The following DNMBP variants were observed in gnomAD, a reference collection of about 807,000 sequenced individuals.
The protein encoded by DNMBP is dynamin binding protein.
In DNMBP, 87 loss-of-function variants were observed where a neutral mutation model predicts 150.0. The ratio of observed to expected loss-of-function variants is 0.58; its 90% CI spans 0.49 to 0.69. The LOEUF is 0.69. Among genes scored for constraint, DNMBP ranks in the 30% least tolerant of loss-of-function variants. DNMBP has a pLI of 0.00. For synonymous variants in DNMBP, 711 were observed against 750.4 expected (o/e 0.95, Z 0.86); for missense variants, 1,774 against 1,949.0 (o/e 0.91, Z 1.69).
At position 99,877,091 on chromosome 10, in the gene DNMBP, C is replaced by CATTAAAA; in HGVS notation, c.*59_*60insTTTTAAT. ...GAGCAGGCGCCCTCTCGGTGGGCCG[C>CATTAAAA]CAGAACCCTCGGCGGACTGAAAGCA... On this transcript the variant is annotated 3_prime_UTR_variant, in exon 17 of 17. Coordinates refer to ENST00000324109, the MANE Select transcript of DNMBP (RefSeq NM_015221.4). The CATTAAAA allele has an allele frequency of 6.7e-7, 1 of 1,485,890 alleles. No individual in the cohort carries two copies. The highest frequency in any genetic ancestry group is 9.0e-7 in the Non-Finnish European group (1 of 1,110,290). 92.0% of individuals were successfully genotyped at this position (1,485,890 alleles called of 1,614,324 possible). A position where few individuals can be genotyped will look rare whatever the true frequency, so the allele number is the denominator to read the frequency against.
intron 1 of DNMBP, among the ~76,000 whole-genome samples, chr10:99,997,056 G>A (rs1031086130): frequency 6.6e-6 from 1 of 152,140 alleles, no homozygotes; most frequent in Non-Finnish European, 1.5e-5. Context: ...TCAAAAATAC[G>A]GGACTCTAAC....
chr10:99,926,120 T>G (rs1171676258), intron 4 of DNMBP, among the ~76,000 whole-genome samples: 1 of 152,188 alleles, frequency 6.6e-6, no homozygotes, highest in African/African-American at 2.4e-5. Flanking sequence ...ACGTGGAATT[T>G]GAAACACCAG....
At chr10:99,958,649 T>C (rs1014095645) in intron 3 of DNMBP, among the ~76,000 whole-genome samples, 2 of 152,238 alleles carry the variant, frequency 1.3e-5, no homozygotes, top group Admixed American at 6.5e-5. Flanking sequence ...AGCTTTCCCA[T>C]ACTTAAAGAT....
chr10:99,959,264 G>C (rs537046010), intron 3 of DNMBP, among the ~76,000 whole-genome samples: 2 of 152,228 alleles, frequency 1.3e-5, no homozygotes, highest in Admixed American at 1.3e-4. Context: ...ATTCCCAGTT[G>C]TAATAGCTAA....
chr10:99,926,611 T>C (rs1426350855), intron 4 of DNMBP, among the ~76,000 whole-genome samples: 2 of 152,188 alleles, frequency 1.3e-5, no homozygotes, highest in Non-Finnish European at 2.9e-5. Flanking sequence ...GGGGCAATCT[T>C]ACTGGGCTGA....
intron 6 of DNMBP, among the ~76,000 whole-genome samples, chr10:99,900,928 G>C (rs1564724737): frequency 6.6e-6 from 1 of 152,130 alleles, no homozygotes; most frequent in East Asian, 1.9e-4. Flanking sequence ...TTATGATATA[G>C]TAACCTATAT....
chr10:99,931,132 G>A (rs570079870), intron 4 of DNMBP: 13 of 185,498 alleles, frequency 7.0e-5, no homozygotes, highest in East Asian at 5.8e-4. Flanking sequence ...AGGAAAAGTC[G>A]TGTGAAAGAG....
Position 99,896,386 on chromosome 10 carries a change from G to A in DNMBP, c.2932C>T (p.Arg978Cys), listed in dbSNP as rs148056361. The A allele has an allele frequency of 1.2e-5, 20 of 1,613,932 alleles. No homozygotes were observed. The highest frequency in any genetic ancestry group is 6.7e-5 in the East Asian group (3 of 44,896). The change falls in exon 10 of 17, where the codon CGT (arginine) becomes TGT (cysteine). Residue 978 changes from arginine to cysteine, a missense_variant. By Grantham distance (180) the Arg-to-Cys change is radical. Around this residue, in one of 2 missense-constraint regions of DNMBP, gnomAD observed 1,430 missense variants for 1,492.5 expected, o/e 0.96. Transcript: ENST00000324109. ...ATAAGGCTATCTTCATCACCCTTAC[G>A]GTACTTGAGGACTAGGGAGTAAGTC... ...KRRKDLVLKY[R>C]KGDEDSLMEK...
intron 3 of DNMBP, among the ~76,000 whole-genome samples, chr10:99,963,210 A>C (rs2040582419): frequency 6.6e-6 from 1 of 151,788 alleles, no homozygotes; most frequent in African/African-American, 2.4e-5. Context: ...CTGGGACTAC[A>C]GGTGTGTGCC....
intron 15 of DNMBP, among the ~76,000 whole-genome samples, chr10:99,883,638 C>CAAAAAAAAAAAAAAAAA (rs71009782): frequency 2.6e-4 from 17 of 65,616 alleles, no homozygotes; most frequent in African/African-American, 8.5e-4. Context: ...AAGACTGCCA[C>CAAAAAAAAAAAAAAAAA]AAAAAAAAAA....
At chr10:99,889,101 G>T in intron 11 of DNMBP, 148 bp from the exon 12 acceptor site, 1 of 886,060 alleles carries the variant, frequency 1.1e-6, no homozygotes, top group Non-Finnish European at 1.7e-6. Context: ...TTTGAAATAA[G>T]CATATTTTCA....
intron 4 of DNMBP, among the ~76,000 whole-genome samples, chr10:99,917,983 AAAAAAAAG>A (rs1564731613): frequency 1.2e-4 from 15 of 122,208 alleles, no homozygotes; most frequent in Admixed American, 8.4e-5. Context: ...AAAAAAAAAA[AAAAAAAAG>A]AAAAGAAAGG....
intron 4 of DNMBP, among the ~76,000 whole-genome samples, chr10:99,938,574 G>A (rs1209904818): frequency 6.6e-6 from 1 of 152,040 alleles, no homozygotes. Context: ...TTATAGTTGG[G>A]CAAGTGGAGA....
At position 99,930,266 on chromosome 10, in the gene DNMBP, A is replaced by G. The variant is rs1201818729; in HGVS notation, c.2261-21120T>C. On this transcript the variant is annotated intron_variant, in intron 4 of 16. Coordinates refer to ENST00000324109, the MANE Select transcript of DNMBP (RefSeq NM_015221.4). The stretch of plus-strand genomic sequence containing the variant: ...GAGGTTGACCTAAATTCGCTGAAGA[A>G]TCATCCAAACCCCTACAGTCAGTCA... The G allele has an allele frequency of 3.4e-5, 24 of 702,872 alleles. No individual in the cohort carries two copies. The East Asian group carries it at 6.2e-4, about 18-fold the overall frequency. 43.5% of individuals were successfully genotyped at this position (702,872 alleles called of 1,614,324 possible). A position where few individuals can be genotyped will look rare whatever the true frequency, so the allele number is the denominator to read the frequency against.
intron 1 of DNMBP, among the ~76,000 whole-genome samples, chr10:99,981,659 G>A (rs1474805376): frequency 6.6e-6 from 1 of 152,156 alleles, no homozygotes; most frequent in Admixed American, 6.6e-5. Flanking sequence ...TGAGGATACC[G>A]AAAATCTGCC....
At chr10:99,902,619 T>TA (rs559947538) in intron 6 of DNMBP, among the ~76,000 whole-genome samples, 2,106 of 125,150 alleles carry the variant, frequency 0.017, 34 homozygotes, top group Middle Eastern at 0.048. Flanking sequence ...TGCCTCCCTT[T>TA]AAAAAAAAAA....
At chr10:99,981,148 C>T (rs1426825587) in intron 1 of DNMBP, among the ~76,000 whole-genome samples, 1 of 151,986 alleles carries the variant, frequency 6.6e-6, no homozygotes, top group Non-Finnish European at 1.5e-5. Context: ...TGTCATAAAA[C>T]GTGAATGTGA....
intron 4 of DNMBP, among the ~76,000 whole-genome samples, chr10:99,915,279 G>A (rs2039953202): frequency 6.6e-6 from 1 of 150,844 alleles, no homozygotes; most frequent in Non-Finnish European, 1.5e-5. Context: ...AGGTCTGGAA[G>A]GAAAACACAC....
intron 4 of DNMBP, chr10:99,929,796 C>T: frequency 1.4e-6 from 1 of 702,976 alleles, no homozygotes; most frequent in Non-Finnish European, 2.6e-6. Flanking sequence ...TTGTTCTCCC[C>T]TGGTACACTG....
Sources: allele counts gnomAD v4.1 joint callset (sites outside exome capture counted in the v4.1 genomes callset), GRCh38; gene constraint gnomAD v4.1.1; regional missense constraint gnomAD v4.1.1; transcripts MANE v1.5; gene names NCBI Gene and HGNC (gene_info 2026-07-23, HGNC 2026-07-21).